PRR16: variants seen among roughly 807,000 people sequenced by gnomAD.
PRR16 encodes the protein protein Largen.
Under a neutral mutation model 18.2 loss-of-function variants are expected in PRR16, and 6 were observed. The observed-to-expected ratio is 0.33, with a 90% CI of 0.18 to 0.65. The LOEUF (loss-of-function observed/expected upper bound fraction) is 0.65, where lower values mean the gene tolerates loss of function less well. Ranked by LOEUF, PRR16 falls within the 30% of genes least tolerant of loss-of-function variation. The probability of loss-of-function intolerance (pLI) is 0.74; values close to 1 mark genes in which losing one functional copy is unlikely to be tolerated. For missense variants in PRR16, 412 were observed against 376.6 expected, an observed-to-expected ratio of 1.09 and a Z score of -0.78; for synonymous variants, 151 against 147.8, an observed-to-expected ratio of 1.02 and a Z score of -0.16.
downstream of PRR16, among the ~76,000 whole-genome samples, chr5:120,687,585 T>G (rs2150158033): frequency 6.6e-6 from 1 of 152,292 alleles, no homozygotes; most frequent in South Asian, 2.1e-4. Context: ...TACCCTAAAC[T>G]ATTACATTGA....
At chr5:120,747,372 A>G in the PRR16 span, among the ~76,000 whole-genome samples, 112 of 152,128 alleles carry the variant, frequency 7.4e-4, no homozygotes, top group African/African-American at 2.5e-3. Flanking sequence ...ACCAACTTTT[A>G]CTCCTCTAAG....
At chr5:120,618,652 A>G in intron 1 of PRR16, 6 of 694,250 alleles carry the variant, frequency 8.6e-6, no homozygotes, top group Non-Finnish European at 8.9e-6. Context: ...TTATCTCAGG[A>G]TAAAGAGGAA....
intron 1 of PRR16, among the ~76,000 whole-genome samples, chr5:120,497,959 A>T (rs1750314560): frequency 6.6e-6 from 1 of 151,706 alleles, no homozygotes; most frequent in Admixed American, 6.6e-5. Context: ...TAATAGACAG[A>T]ATATAGTCAT....
intron 1 of PRR16, among the ~76,000 whole-genome samples, chr5:120,611,417 C>T (rs762899327): frequency 6.6e-6 from 1 of 152,168 alleles, no homozygotes; most frequent in Non-Finnish European, 1.5e-5. Flanking sequence ...CAGCCCCTGC[C>T]ATCACAGGCC....
intron 1 of PRR16, among the ~76,000 whole-genome samples, chr5:120,558,615 T>A (rs1488857013): frequency 1.3e-5 from 2 of 151,918 alleles, no homozygotes; most frequent in East Asian, 3.9e-4. Flanking sequence ...AATATAGGAG[T>A]GCAGATATCT....
chr5:120,620,734 C>T (rs1754660847), intron 1 of PRR16, among the ~76,000 whole-genome samples: 1 of 151,990 alleles, frequency 6.6e-6, no homozygotes, highest in African/African-American at 2.4e-5. Flanking sequence ...CAGAGCAAGC[C>T]TTGTCTCTCC....
chr5:120,510,953 CAGGACAATATT>C (rs1307971377), intron 1 of PRR16, among the ~76,000 whole-genome samples: 2 of 152,068 alleles, frequency 1.3e-5, no homozygotes, highest in African/African-American at 2.4e-5. Flanking sequence ...GATGAGAGTA[CAGGACAATATT>C]ATGTGATATG....
At chr5:120,620,143 T>C (rs956368228) in intron 1 of PRR16, among the ~76,000 whole-genome samples, 2 of 152,140 alleles carry the variant, frequency 1.3e-5, no homozygotes, top group African/African-American at 4.8e-5. Flanking sequence ...TTCTGTGAAA[T>C]GGAAAGAAGA....
intron 1 of PRR16, among the ~76,000 whole-genome samples, chr5:120,536,351 A>C (rs1300052791): frequency 6.6e-6 from 1 of 152,188 alleles, no homozygotes; most frequent in Non-Finnish European, 1.5e-5. Flanking sequence ...AGCTGCAAAA[A>C]TTTGTGCTGG....
chr5:120,700,537 A>G, the PRR16 span, among the ~76,000 whole-genome samples: 1 of 152,092 alleles, frequency 6.6e-6, no homozygotes, highest in East Asian at 1.9e-4. Context: ...AGGGAAGCAG[A>G]TAATTTAGTT....
At chr5:120,756,763 T>C in the PRR16 span, among the ~76,000 whole-genome samples, 3 of 152,114 alleles carry the variant, frequency 2.0e-5, no homozygotes, top group East Asian at 1.9e-4. Flanking sequence ...ACTGCATTGA[T>C]AGTTTCTTTT....
chr5:120,591,354 C>T (rs1040597421), intron 1 of PRR16, among the ~76,000 whole-genome samples: 1 of 151,990 alleles, frequency 6.6e-6, no homozygotes, highest in Admixed American at 6.6e-5. Context: ...TCGATTTTCA[C>T]ATAATTCTAA....
chr5:120,636,381 A>G (rs1010441284), intron 1 of PRR16, among the ~76,000 whole-genome samples: 18 of 152,214 alleles, frequency 1.2e-4, no homozygotes, highest in Admixed American at 1.2e-3. Context: ...AAACTATACT[A>G]TGAGGCCATA....
At chr5:120,575,366 G>C (rs537774104) in intron 1 of PRR16, among the ~76,000 whole-genome samples, 1 of 111,358 alleles carries the variant, frequency 9.0e-6, no homozygotes, top group South Asian at 2.9e-4. Flanking sequence ...AAAACTACCA[G>C]CCAATATCTC....
chr5:120,528,329 T>C (rs1466906711), intron 1 of PRR16, among the ~76,000 whole-genome samples: 1 of 152,126 alleles, frequency 6.6e-6, no homozygotes, highest in Non-Finnish European at 1.5e-5. Flanking sequence ...TGAAGTGTGG[T>C]AGATTTGGTG....
At chr5:120,740,472 T>C in the PRR16 span, among the ~76,000 whole-genome samples, 2 of 152,156 alleles carry the variant, frequency 1.3e-5, no homozygotes, top group African/African-American at 2.4e-5. Context: ...ACATTTTATT[T>C]GAAAATACCA....
At chr5:120,503,529 C>T (rs964669391) in intron 1 of PRR16, among the ~76,000 whole-genome samples, 5 of 151,976 alleles carry the variant, frequency 3.3e-5, no homozygotes, top group Non-Finnish European at 5.9e-5. Context: ...AAAGAGAGAG[C>T]AATGAGATTC....
intron 1 of PRR16, among the ~76,000 whole-genome samples, chr5:120,646,950 A>G (rs1264786125): frequency 6.6e-6 from 1 of 152,014 alleles, no homozygotes; most frequent in African/African-American, 2.4e-5. Flanking sequence ...CAGAGACAGC[A>G]TGTTATAATG....
At chr5:120,494,955 CCTT>C (rs1750194593) in intron 1 of PRR16, among the ~76,000 whole-genome samples, 1 of 152,044 alleles carries the variant, frequency 6.6e-6, no homozygotes, top group Non-Finnish European at 1.5e-5. Context: ...GTGTGTCTGT[CCTT>C]CTGCTGTTAC....
Sources: allele counts gnomAD v4.1 joint callset (sites outside exome capture counted in the v4.1 genomes callset), GRCh38; gene constraint gnomAD v4.1.1; transcripts MANE v1.5; gene names NCBI Gene and HGNC (gene_info 2026-07-23, HGNC 2026-07-21).